Variants in HIVEP1 observed in about 807,000 individuals in gnomAD.
The protein encoded by HIVEP1 is zinc finger protein 40.
In HIVEP1, 36 loss-of-function variants were observed where a neutral mutation model predicts 180.0. The ratio of observed to expected loss-of-function variants is 0.20; its 90% CI spans 0.15 to 0.26. The LOEUF (loss-of-function observed/expected upper bound fraction) is 0.26. HIVEP1 is among the 10% of genes least tolerant of loss of function. The probability of loss-of-function intolerance (pLI) is 1.00; values close to 1 mark genes in which losing one functional copy is unlikely to be tolerated. For synonymous variants in HIVEP1, 1,239 were observed against 1,239.0 expected, an observed-to-expected ratio of 1.00 and a Z score of 0.00; for missense variants, 3,143 against 3,268.7, an observed-to-expected ratio of 0.96 and a Z score of 0.94.
At chr6:12,013,978 C>T (rs983548539) in intron 1 of HIVEP1, among the ~76,000 whole-genome samples, 5 of 152,196 alleles carry the variant, frequency 3.3e-5, no homozygotes, top group Non-Finnish European at 5.9e-5. Flanking sequence ...TTTCTAAAAC[C>T]TTATACTGGG....
At position 12,015,578 on chromosome 6, in the gene HIVEP1, T is replaced by G. The variant is rs1172276076; in HGVS notation, c.-51T>G. 1.3e-6 allele frequency: 2 copies of G among 1,521,964 alleles called. No individual in the cohort carries two copies. The highest frequency in any genetic ancestry group is 9.1e-7 in the Non-Finnish European group (1 of 1,102,590). 94.3% of individuals were successfully genotyped at this position (1,521,964 alleles called of 1,614,324 possible). ...TTTATGGAGCTGCCTTTTGGTGGCT[T>G]GCTTTATCTGCAGTTTTTAAGAAGA... is the stretch of plus-strand genomic sequence containing the variant. On this transcript the variant is annotated 5_prime_UTR_variant, in exon 2 of 9. Transcript: ENST00000379388.
At chr6:12,079,465 C>T (rs1052566354) in intron 2 of HIVEP1, among the ~76,000 whole-genome samples, 9 of 152,098 alleles carry the variant, frequency 5.9e-5, no homozygotes, top group South Asian at 4.1e-4. Context: ...CCTTATCTTC[C>T]TCAGTATCCA....
chr6:12,165,596 G>A (rs116396586), downstream of HIVEP1, among the ~76,000 whole-genome samples: 1,755 of 152,282 alleles, frequency 0.012, 43 homozygotes, highest in African/African-American at 0.04. Flanking sequence ...AAAATATGGC[G>A]GCATGGGGAG....
At chr6:12,118,304 T>A (rs1041677359) in intron 3 of HIVEP1, among the ~76,000 whole-genome samples, 2 of 152,144 alleles carry the variant, frequency 1.3e-5, no homozygotes, top group Non-Finnish European at 2.9e-5. Context: ...GTGTAGACAT[T>A]TTGGTCTAAT....
intron 2 of HIVEP1, among the ~76,000 whole-genome samples, chr6:12,018,755 G>T (rs567225385): frequency 3.3e-5 from 5 of 152,284 alleles, no homozygotes; most frequent in Non-Finnish European, 2.9e-5. Context: ...GGGGTAGCAG[G>T]TTGTGAAATA....
At chr6:12,115,377 T>TTTTTA (rs398000485) in intron 3 of HIVEP1, among the ~76,000 whole-genome samples, 4 of 125,774 alleles carry the variant, frequency 3.2e-5, no homozygotes, top group East Asian at 4.5e-4. Context: ...TTTTTTTTTT[T>TTTTTA]AACAAAGTGG....
At chr6:12,113,416 C>T (rs112175599) in intron 3 of HIVEP1, among the ~76,000 whole-genome samples, 2 of 151,624 alleles carry the variant, frequency 1.3e-5, no homozygotes, top group Non-Finnish European at 2.9e-5. Flanking sequence ...TGGGGCAGTT[C>T]GAGGAGGAGA....
chr6:12,161,871 C>G lies in HIVEP1; in HGVS notation c.6920C>G (p.Pro2307Arg), dbSNP rs1760429811. The G allele has an allele frequency of 6.2e-7, 1 of 1,613,770 alleles. No individual in the cohort carries two copies. The highest frequency in any genetic ancestry group is 2.2e-5 in the East Asian group (1 of 44,876). ...TGTCATCAGATGTCTGTGGACTACC[C>G]TGAGTCAGAAGAAATTCTGAGAAGT... Reference protein sequence around the residue: ...SPCHQMSVDYPESEEILRSSM... With the variant: ...SPCHQMSVDYRESEEILRSSM... Residue 2307 changes from proline (P) to arginine (R), a missense_variant, in exon 8 of 9, where the codon CCT (proline) becomes CGT (arginine). Transcript: ENST00000379388.
chr6:12,024,287 TGTC>T (rs1768441330), intron 2 of HIVEP1, among the ~76,000 whole-genome samples: 1 of 151,954 alleles, frequency 6.6e-6, no homozygotes, highest in Non-Finnish European at 1.5e-5. Flanking sequence ...AATGAGAAGT[TGTC>T]AAAAGGTTTT....
chr6:12,136,296 C>T (rs1321651404), intron 7 of HIVEP1, among the ~76,000 whole-genome samples: 7 of 152,098 alleles, frequency 4.6e-5, no homozygotes, highest in Non-Finnish European at 7.3e-5. Flanking sequence ...TAACATTGAT[C>T]GCTCTTCACC....
chr6:12,089,310 C>A, intron 3 of HIVEP1, 73 bp downstream of exon 3: 2 of 827,868 alleles, frequency 2.4e-6, no homozygotes, highest in South Asian at 1.6e-5. Context: ...ATAAATGTAG[C>A]CTTATGAAAT....
At chr6:12,149,480 A>G (rs1759566833) in intron 7 of HIVEP1, among the ~76,000 whole-genome samples, 1 of 152,168 alleles carries the variant, frequency 6.6e-6, no homozygotes, top group Non-Finnish European at 1.5e-5. Context: ...AACAAAATGT[A>G]CTAAACACTT....
At chr6:12,056,032 A>G (rs937662951) in intron 2 of HIVEP1, among the ~76,000 whole-genome samples, 2 of 152,162 alleles carry the variant, frequency 1.3e-5, no homozygotes, top group African/African-American at 4.8e-5. Flanking sequence ...GAAGTCATAT[A>G]TTGGATTAAA....
chr6:12,173,931 C>G, the HIVEP1 span, among the ~76,000 whole-genome samples: 1 of 152,160 alleles, frequency 6.6e-6, no homozygotes, highest in East Asian at 1.9e-4. Flanking sequence ...CTGCTAATAG[C>G]AAGGCTTATT....
intron 7 of HIVEP1, among the ~76,000 whole-genome samples, chr6:12,161,225 G>A (rs975337704): frequency 2.0e-5 from 3 of 151,964 alleles, no homozygotes; most frequent in Non-Finnish European, 4.4e-5. Context: ...CCCTGACCCC[G>A]GCCCCTCCCG....
chr6:12,137,061 A>G (rs926116799), intron 7 of HIVEP1, among the ~76,000 whole-genome samples: 7 of 152,214 alleles, frequency 4.6e-5, no homozygotes, highest in African/African-American at 1.4e-4. Flanking sequence ...TAATCCCTGT[A>G]ACACACGAAA....
intron 7 of HIVEP1, among the ~76,000 whole-genome samples, chr6:12,146,847 C>G (rs1759403017): frequency 6.6e-6 from 1 of 151,984 alleles, no homozygotes; most frequent in Non-Finnish European, 1.5e-5. Flanking sequence ...GAGCTCCTGG[C>G]TGATTACTAT....
intron 2 of HIVEP1, among the ~76,000 whole-genome samples, chr6:12,061,915 T>G (rs1246244660): frequency 2.0e-5 from 3 of 152,202 alleles, no homozygotes; most frequent in Admixed American, 6.5e-5. Flanking sequence ...ATAAAGAAAC[T>G]TACTTGACTT....
At chr6:12,108,170 T>C (rs929248048) in intron 3 of HIVEP1, among the ~76,000 whole-genome samples, 1 of 152,092 alleles carries the variant, frequency 6.6e-6, no homozygotes, top group Non-Finnish European at 1.5e-5. Context: ...TGTCAATTGG[T>C]GCATTCACAA....
Sources: gnomAD v4.1 joint callset for allele counts (sites outside exome capture counted in the v4.1 genomes callset) on GRCh38, gnomAD v4.1.1 for gene constraint, MANE v1.5 for transcripts, NCBI Gene and HGNC (gene_info 2026-07-23, HGNC 2026-07-21) for gene names.